Variants in CACNA1A observed in about 807,000 individuals in gnomAD.
CACNA1A encodes calcium voltage-gated channel subunit alpha1 A.
A neutral mutation model predicts 262.4 loss-of-function variants in CACNA1A; 57 were observed. That is an observed-to-expected ratio of 0.22 (90% CI 0.18 to 0.27). The LOEUF is 0.27. Among genes scored for constraint, CACNA1A ranks in the 10% least tolerant of loss-of-function variants. The pLI is 1.00. For synonymous variants in CACNA1A, 1,431 were observed against 1,419.3 expected, an observed-to-expected ratio of 1.01 and a Z score of -0.18; for missense variants, 2,526 against 3,562.8, an observed-to-expected ratio of 0.71 and a Z score of 7.41.
intron 37 of CACNA1A, chr19:13,226,064 A>C (rs963831863): frequency 6.6e-5 from 10 of 152,096 alleles, no homozygotes; most frequent in African/African-American, 2.4e-4. Flanking sequence ...CCACATTGGT[A>C]GATTGCAACA....
Position 13,466,877 on chromosome 19 carries a change from A to ATTTAT in CACNA1A, c.294-11666_294-11665insATAAA, listed in dbSNP as rs2061252729. 2.8e-5 allele frequency among the ~76,000 whole-genome samples: 4 copies of ATTTAT among 142,524 alleles called. No homozygotes were observed. In the East Asian group the frequency reaches 8.4e-4, roughly 30 times the overall value. 93.5% of individuals were successfully genotyped at this position (142,524 alleles called of 152,430 possible). A position where few individuals can be genotyped will look rare whatever the true frequency, so the allele number is the denominator to read the frequency against. ...CCTTCCCTCTCTCTTTTAAATTTCC[A>ATTTAT]TTATTTATTTATTTATTTATTTATT... On this transcript the variant is annotated intron_variant, in intron 1 of 46. Coordinates refer to ENST00000360228, the MANE Select transcript of CACNA1A (RefSeq NM_001127222.2).
intron 1 of CACNA1A, among the ~76,000 whole-genome samples, chr19:13,490,997 GAAGGAAGA>G (rs991200704): frequency 2.0e-5 from 3 of 151,040 alleles, no homozygotes; most frequent in Admixed American, 1.3e-4. Context: ...AAGGAAGAAG[GAAGGAAGA>G]AAGGAAGGAA....
At chr19:13,294,190 C>A (rs1436889861) in intron 19 of CACNA1A, among the ~76,000 whole-genome samples, 2 of 131,408 alleles carry the variant, frequency 1.5e-5, no homozygotes, top group East Asian at 2.2e-4. Context: ...GGCAACAGAG[C>A]AAGACCCTGC....
At chr19:13,447,186 C>T (rs1302151907) in intron 3 of CACNA1A, among the ~76,000 whole-genome samples, 1 of 152,138 alleles carries the variant, frequency 6.6e-6, no homozygotes. Context: ...ATAAAAACTA[C>T]AGACCAGAAA....
chr19:13,217,263 A>G (rs2055049123), intron 38 of CACNA1A, among the ~76,000 whole-genome samples: 1 of 152,052 alleles, frequency 6.6e-6, no homozygotes, highest in Admixed American at 6.6e-5. Flanking sequence ...AGACAGAGAG[A>G]ATGAGATGGA....
Position 13,456,047 on chromosome 19 carries a change from G to A in CACNA1A, c.294-835C>T, listed in dbSNP as rs576863342. 1.9e-4 allele frequency among the ~76,000 whole-genome samples: 29 copies of A among 152,000 alleles called. No homozygotes were observed. The South Asian group carries it at 5.6e-3, about 29-fold the overall frequency. ...CACCTGTAGTCCCAGCTACTTGGGAGGCCGGGGCAGGAGAATCGCTTGAAC... is the reference window on the plus strand; with the variant it reads ...CACCTGTAGTCCCAGCTACTTGGGAAGCCGGGGCAGGAGAATCGCTTGAAC... On this transcript the variant is annotated intron_variant, in intron 1 of 46. Coordinates refer to ENST00000360228, the MANE Select transcript of CACNA1A (RefSeq NM_001127222.2).
intron 3 of CACNA1A, among the ~76,000 whole-genome samples, chr19:13,398,271 A>G (rs950022521): frequency 3.3e-5 from 5 of 152,114 alleles, no homozygotes; most frequent in African/African-American, 1.2e-4. Context: ...GCAAAAGAAA[A>G]AAAAAAAAAG....
At position 13,207,560 on chromosome 19, in the gene CACNA1A, C is replaced by T. The variant is rs555362569; in HGVS notation, c.7274G>A (p.Gly2425Asp). ...YDEADGPGSG[G>D]GEEAMAGAYD... ...GGCCCCGGCCATGGCCTCCTCGCCG[C>T]CCCCGCTGCCCGGGCCATCGGCCTC... is the stretch of plus-strand genomic sequence containing the variant. The change falls in exon 47 of 47, where the codon GGC becomes GAC. Residue 2425 changes from glycine to aspartate, a missense_variant. Coordinates refer to ENST00000360228, the MANE Select transcript of CACNA1A (RefSeq NM_001127222.2). The surrounding 1 kb of genome is among the most constrained non-coding windows in gnomAD (Gnocchi z 5.7). 8.9e-5 allele frequency: 130 copies of T among 1,466,092 alleles called. No homozygotes were observed. The South Asian group carries it at 1.5e-3, about 17-fold the overall frequency. The allele number at this position is 1,466,092 out of a possible 1,614,324, so 90.8% of individuals were successfully genotyped here.
intron 1 of CACNA1A, among the ~76,000 whole-genome samples, chr19:13,477,580 C>CA (rs1978702268): frequency 6.6e-6 from 1 of 152,234 alleles, no homozygotes; most frequent in African/African-American, 2.4e-5. Context: ...CCAAACTCAA[C>CA]ACAGCGATCG....
intron 24 of CACNA1A, among the ~76,000 whole-genome samples, chr19:13,265,879 CTT>C (rs768901522): frequency 2.8e-4 from 41 of 144,478 alleles, no homozygotes; most frequent in Non-Finnish European, 4.5e-4. Flanking sequence ...GCATTTCTCT[CTT>C]GTTACCCAGG....
Position 13,506,227 on chromosome 19 carries a change from T to A in CACNA1A, c.-3A>T, listed in dbSNP as rs559234024. On this transcript the variant is annotated 5_prime_UTR_variant, in exon 1 of 47. Coordinates refer to ENST00000360228, the MANE Select transcript of CACNA1A (RefSeq NM_001127222.2). Reference sequence around the variant, plus strand: ...ATCTCGTCTCCGAAGCGGGCCATTCTGCAAAGAGCAAAGGGCTCCGGGTTA... The same window carrying A: ...ATCTCGTCTCCGAAGCGGGCCATTCAGCAAAGAGCAAAGGGCTCCGGGTTA... The A allele has an allele frequency of 6.8e-7, 1 of 1,472,762 alleles. No individual in the cohort carries two copies. The highest frequency in any genetic ancestry group is 1.4e-5 in the African/African-American group (1 of 70,208). The allele number at this position is 1,472,762 out of a possible 1,614,324, so 91.2% of individuals were successfully genotyped here.
rs114600376 is a variant in CACNA1A, at chr19:13,433,622, T to A, written c.539+19254A>T. Among the ~76,000 whole-genome samples the A allele has an allele frequency of 3.2e-3, 492 of 152,092 alleles. 1 individual carries two copies. Among genetic ancestry groups the A allele is most frequent in the African/African-American group, 0.011 (458 of 41,482 alleles). On this transcript the variant is annotated intron_variant, in intron 3 of 46. Coordinates refer to ENST00000360228, the MANE Select transcript of CACNA1A (RefSeq NM_001127222.2). ...TGCAGGTCAGATTATTGACCTGGGC[T>A]TTGGTGTCTCATCTGCTAATAAGGG...
intron 24 of CACNA1A, among the ~76,000 whole-genome samples, chr19:13,265,653 T>C (rs951917323): frequency 1.3e-5 from 2 of 152,070 alleles, no homozygotes; most frequent in African/African-American, 4.8e-5. Context: ...ATCATTTCTT[T>C]TTCTTTCTTT....
In CACNA1A at chr19:13,464,543, A is replaced by ATTTTTTTTTTTTTTTTTTTTTTT. The variant is rs540418372; in HGVS notation, c.294-9332_294-9331insAAAAAAAAAAAAAAAAAAAAAAA. Reference sequence around the variant, plus strand: ...CTGCTAATAGTAAATAACTTTTCCAATTTTTTTTTTTTTTTTTTTTTTAGA... The same window carrying ATTTTTTTTTTTTTTTTTTTTTTT: ...CTGCTAATAGTAAATAACTTTTCCAATTTTTTTTTTTTTTTTTTTTTTTTTTTTTTTTTTTTTTTTTTTTTAGA... On this transcript the variant is annotated intron_variant, in intron 1 of 46. Coordinates refer to ENST00000360228, the MANE Select transcript of CACNA1A (RefSeq NM_001127222.2). 1.3e-4 allele frequency among the ~76,000 whole-genome samples: 17 copies of ATTTTTTTTTTTTTTTTTTTTTTT among 128,956 alleles called. 1 individual carries two copies. The highest frequency in any genetic ancestry group is 5.0e-4 in the African/African-American group (16 of 32,032). The allele number at this position is 128,956 out of a possible 152,430, so 84.6% of individuals were successfully genotyped here. A position where few individuals can be genotyped will look rare whatever the true frequency, so the allele number is the denominator to read the frequency against.
At chr19:13,455,606 C>T (rs1191841821) in intron 1 of CACNA1A, among the ~76,000 whole-genome samples, 4 of 152,098 alleles carry the variant, frequency 2.6e-5, no homozygotes, top group East Asian at 1.9e-4. Flanking sequence ...CTATGCTATA[C>T]AGTACACTGC....
At chr19:13,462,732 G>C (rs1200618511) in intron 1 of CACNA1A, among the ~76,000 whole-genome samples, 1 of 152,158 alleles carries the variant, frequency 6.6e-6, no homozygotes, top group Non-Finnish European at 1.5e-5. Context: ...CTCACACCCA[G>C]GTCTGCCCAA....
intron 24 of CACNA1A, among the ~76,000 whole-genome samples, chr19:13,266,125 T>A (rs2056855792): frequency 6.6e-6 from 1 of 152,204 alleles, no homozygotes; most frequent in Non-Finnish European, 1.5e-5. Context: ...ATTATAGGTG[T>A]GAGCCACCAT....
chr19:13,371,621 A>G (rs752372637), intron 4 of CACNA1A, 67 bp downstream of exon 4: 10 of 1,169,106 alleles, frequency 8.6e-6, no homozygotes, highest in Non-Finnish European at 1.2e-5. Flanking sequence ...GATGCTCTGC[A>G]TAGGGGAAAC....
chr19:13,500,650 C>T (rs986035096), intron 1 of CACNA1A, among the ~76,000 whole-genome samples: 12 of 152,160 alleles, frequency 7.9e-5, no homozygotes, highest in African/African-American at 2.9e-4. Flanking sequence ...ATTAAACATA[C>T]ACCTACCACA....
Sources: gnomAD v4.1 joint callset for allele counts (sites outside exome capture counted in the v4.1 genomes callset) on GRCh38, gnomAD v4.1.1 for gene constraint, Gnocchi (gnomAD v3.1) non-coding constraint, MANE v1.5 for transcripts, NCBI Gene and HGNC (gene_info 2026-07-23, HGNC 2026-07-21) for gene names.